The following CREB5 variants were observed in gnomAD, a reference collection of about 807,000 sequenced individuals.
The protein encoded by CREB5 is cAMP responsive element binding protein 5.
CREB5 carries 19 observed loss-of-function variants against 57.1 expected under a neutral mutation model. That is an observed-to-expected ratio of 0.33 (90% confidence interval 0.23 to 0.49). CREB5 has a LOEUF of 0.49. Ranked by LOEUF, CREB5 falls within the 20% of genes least tolerant of loss-of-function variation. The probability of loss-of-function intolerance (pLI) is 0.99; values close to 1 mark genes in which losing one functional copy is unlikely to be tolerated. For missense variants in CREB5, 579 were observed against 671.6 expected, an observed-to-expected ratio of 0.86 and a Z score of 1.52; for synonymous variants, 238 against 238.3, an observed-to-expected ratio of 1.00 and a Z score of 0.01.
At position 28,468,954 on chromosome 7, in the gene CREB5, C is replaced by T. The variant is rs9639586; in HGVS notation, c.4-19221C>T. On this transcript the variant is annotated intron_variant, in intron 1 of 10. Transcript: ENST00000357727. Reference sequence around the variant, plus strand: ...GAGCTCAAATTCAAAATCCCACGCTCTCGACTACTATGTGATCTCCTAGAG... The same window carrying T: ...GAGCTCAAATTCAAAATCCCACGCTTTCGACTACTATGTGATCTCCTAGAG... Among the ~76,000 whole-genome samples, 455 of 152,344 alleles carry T rather than the reference C, an allele frequency of 3.0e-3. 22 individuals carry two copies. In the East Asian group the frequency reaches 0.083, roughly 28 times the overall value.
chr7:28,331,323 T>C (rs1785711899), intron 1 of CREB5, among the ~76,000 whole-genome samples: 1 of 152,200 alleles, frequency 6.6e-6, no homozygotes. Flanking sequence ...AGGAGCCGTT[T>C]TAGAATTTTT....
intron 5 of CREB5, 40 bp from the exon 6 acceptor site, chr7:28,718,713 C>T (rs754826075): frequency 2.7e-5 from 44 of 1,607,986 alleles, no homozygotes; most frequent in Non-Finnish European, 3.6e-5. Flanking sequence ...AGGGCCAGGG[C>T]ACCAGGAATC....
rs187480078 is a variant in CREB5, at chr7:28,454,022, C to T, written c.4-34153C>T. On this transcript the variant is annotated intron_variant, in intron 1 of 10. Transcript: ENST00000357727. ...AGGCTGGAGTGCAGTGGCATGATCT[C>T]GGCTCACTGTAAGCTCCGCCTCCTG... Among the ~76,000 whole-genome samples the T allele has an allele frequency of 4.1e-3, 587 of 142,798 alleles. 3 individuals carry two copies. The Middle Eastern group carries it at 0.044, about 11-fold the overall frequency. 93.7% of individuals were successfully genotyped at this position (142,798 alleles called of 152,430 possible).
chr7:28,361,370 G>A (rs1203924820), intron 1 of CREB5, among the ~76,000 whole-genome samples: 1 of 152,116 alleles, frequency 6.6e-6, no homozygotes, highest in African/African-American at 2.4e-5. Flanking sequence ...CTACACACCA[G>A]TTTTCTTTTT....
chr7:28,753,320 A>G (rs1805090273), intron 7 of CREB5, among the ~76,000 whole-genome samples: 1 of 152,208 alleles, frequency 6.6e-6, no homozygotes, highest in Non-Finnish European at 1.5e-5. Flanking sequence ...TACTATGTAG[A>G]AAAAATAGAA....
intron 5 of CREB5, among the ~76,000 whole-genome samples, chr7:28,672,047 C>A (rs1291948922): frequency 2.0e-5 from 3 of 151,982 alleles, no homozygotes; most frequent in South Asian, 4.2e-4. Context: ...TTTGTTGTTA[C>A]GTATATTTTA....
chr7:28,702,145 T>C (rs1375646650), intron 5 of CREB5, among the ~76,000 whole-genome samples: 1 of 152,194 alleles, frequency 6.6e-6, no homozygotes, highest in African/African-American at 2.4e-5. Context: ...TAGCAGTCCG[T>C]GGCACTTATA....
At chr7:28,668,901 C>A (rs1022787276) in intron 5 of CREB5, among the ~76,000 whole-genome samples, 1 of 152,138 alleles carries the variant, frequency 6.6e-6, no homozygotes, top group Non-Finnish European at 1.5e-5. Flanking sequence ...GAGGCTGGGG[C>A]CCTCTTGCTG....
chr7:28,621,438 C>T (rs1797787192), intron 5 of CREB5, among the ~76,000 whole-genome samples: 1 of 152,198 alleles, frequency 6.6e-6, no homozygotes, highest in Admixed American at 6.5e-5. Context: ...GTCTTCTACT[C>T]TCATGTTTAG....
intron 4 of CREB5, among the ~76,000 whole-genome samples, chr7:28,524,466 C>T (rs978355845): frequency 2.6e-5 from 4 of 152,048 alleles, no homozygotes; most frequent in African/African-American, 9.7e-5. Flanking sequence ...CGTGTCACTG[C>T]ACTCCAGCCC....
At position 28,498,201 on chromosome 7, in the gene CREB5, A is replaced by G. The variant is rs1163361957; in HGVS notation, c.169+3202A>G. Among the ~76,000 whole-genome samples, 7 of 152,306 alleles carry G rather than the reference A, an allele frequency of 4.6e-5. No individual in the cohort carries two copies. The East Asian group carries it at 1.3e-3, about 29-fold the overall frequency. ...CTATCATGAAGATGAATGATTTTAT[A>G]TGACTTGTAATATAGTAGCAACAAT... On this transcript the variant is annotated intron_variant, in intron 3 of 10. Transcript: ENST00000357727.
chr7:28,322,514 G>T (rs890123062), intron 1 of CREB5, among the ~76,000 whole-genome samples: 4 of 152,030 alleles, frequency 2.6e-5, no homozygotes, highest in African/African-American at 9.7e-5. Flanking sequence ...GTGCCATGGT[G>T]GTTTGTTGCA....
chr7:28,395,021 G>T (rs1787308536), intron 1 of CREB5, among the ~76,000 whole-genome samples: 1 of 152,120 alleles, frequency 6.6e-6, no homozygotes, highest in South Asian at 2.1e-4. Flanking sequence ...ATTCCCTGAA[G>T]GGGGAAAAGG....
chr7:28,733,669 C>T (rs1221051287), intron 7 of CREB5, among the ~76,000 whole-genome samples: 1 of 152,166 alleles, frequency 6.6e-6, no homozygotes, highest in African/African-American at 2.4e-5. Flanking sequence ...ACTGTGTTGT[C>T]ATTGTCCATG....
chr7:28,786,060 A>G (rs942982691), intron 7 of CREB5, among the ~76,000 whole-genome samples: 1 of 152,192 alleles, frequency 6.6e-6, no homozygotes, highest in Non-Finnish European at 1.5e-5. Flanking sequence ...AAAACTAGTG[A>G]TAGTGTCAGA....
intron 7 of CREB5, among the ~76,000 whole-genome samples, chr7:28,727,272 C>T (rs968701604): frequency 8.6e-5 from 13 of 151,952 alleles, no homozygotes; most frequent in Non-Finnish European, 1.8e-4. Flanking sequence ...TATTGGATTC[C>T]TTTTGGGGGT....
intron 4 of CREB5, among the ~76,000 whole-genome samples, chr7:28,552,929 C>A (rs1794728175): frequency 6.6e-6 from 1 of 152,212 alleles, no homozygotes; most frequent in Non-Finnish European, 1.5e-5. Context: ...ATAGGCCACT[C>A]TCCAGCAGAT....
chr7:28,455,809 C>T (rs772274720), intron 1 of CREB5, among the ~76,000 whole-genome samples: 1 of 152,194 alleles, frequency 6.6e-6, no homozygotes, highest in Non-Finnish European at 1.5e-5. Flanking sequence ...TGATAACAGT[C>T]TACTGTCCAT....
intron 5 of CREB5, among the ~76,000 whole-genome samples, chr7:28,696,426 G>A (rs1049407061): frequency 1.7e-4 from 26 of 151,954 alleles, no homozygotes; most frequent in South Asian, 2.1e-4. Flanking sequence ...TTCTTCATTC[G>A]TTTCTTCTGA....
Sources: allele counts gnomAD v4.1 joint callset (sites outside exome capture counted in the v4.1 genomes callset), GRCh38; gene constraint gnomAD v4.1.1; transcripts MANE v1.5; gene names NCBI Gene and HGNC (gene_info 2026-07-23, HGNC 2026-07-21).